KCND3: variants seen among roughly 807,000 people sequenced by gnomAD.
KCND3 encodes the protein A-type voltage-gated potassium channel KCND3.
A neutral mutation model predicts 51.1 loss-of-function variants in KCND3; 9 were observed. The ratio of observed to expected loss-of-function variants is 0.18; its 90% CI spans 0.11 to 0.31. KCND3 has a LOEUF of 0.31. Among genes scored for constraint, KCND3 ranks in the 10% least tolerant of loss-of-function variants. The pLI is 1.00. For missense variants in KCND3, 526 were observed against 903.8 expected (o/e 0.58, Z 5.36); for synonymous variants, 349 against 368.0 (o/e 0.95, Z 0.59).
intron 2 of KCND3, among the ~76,000 whole-genome samples, chr1:111,917,498 T>C (rs1170997155): frequency 1.3e-5 from 2 of 152,136 alleles, no homozygotes; most frequent in Non-Finnish European, 2.9e-5. Context: ...GATTATATAA[T>C]GGGGATCTAT....
chr1:111,802,145 A>G (rs1665339447), intron 2 of KCND3, among the ~76,000 whole-genome samples: 1 of 152,270 alleles, frequency 6.6e-6, no homozygotes, highest in African/African-American at 2.4e-5. Flanking sequence ...GCAGTGGCAG[A>G]CAGTGCTTAG....
intron 2 of KCND3, among the ~76,000 whole-genome samples, chr1:111,923,799 A>C (rs1039341469): frequency 1.3e-5 from 2 of 152,194 alleles, no homozygotes; most frequent in African/African-American, 4.8e-5. Context: ...GCTAATGGTC[A>C]GTTGACTTAG....
At chr1:111,871,461 T>G (rs1668824940) in intron 2 of KCND3, among the ~76,000 whole-genome samples, 1 of 151,994 alleles carries the variant, frequency 6.6e-6, no homozygotes. Flanking sequence ...TCAGCTTGTG[T>G]GACAGGAAGG....
chr1:111,935,385 C>T (rs1327284335), intron 2 of KCND3, among the ~76,000 whole-genome samples: 3 of 152,242 alleles, frequency 2.0e-5, no homozygotes, highest in South Asian at 4.1e-4. Flanking sequence ...GCTTCCCTTA[C>T]TCCCAGATAA....
intron 2 of KCND3, among the ~76,000 whole-genome samples, chr1:111,842,976 T>C (rs1039967502): frequency 6.6e-6 from 1 of 152,222 alleles, no homozygotes; most frequent in Non-Finnish European, 1.5e-5. Context: ...ATGGTTAGCA[T>C]CTTTACAGGC....
At chr1:111,914,296 T>A (rs964803160) in intron 2 of KCND3, among the ~76,000 whole-genome samples, 9 of 146,868 alleles carry the variant, frequency 6.1e-5, no homozygotes, top group African/African-American at 2.2e-4. Context: ...ACCCATAGCA[T>A]CGGTGACCTG....
At chr1:111,971,554 A>G (rs1038759471) in intron 2 of KCND3, among the ~76,000 whole-genome samples, 1 of 151,950 alleles carries the variant, frequency 6.6e-6, no homozygotes, top group Non-Finnish European at 1.5e-5. Flanking sequence ...CCCTCCCTTC[A>G]TCTTTCCCTG....
chr1:111,864,288 G>A (rs1007874739), intron 2 of KCND3, among the ~76,000 whole-genome samples: 16 of 152,156 alleles, frequency 1.1e-4, no homozygotes, highest in Non-Finnish European at 1.6e-4. Flanking sequence ...GGGAACAGTG[G>A]AGGGTACTCC....
chr1:111,790,602 C>T (rs143233463), intron 2 of KCND3, among the ~76,000 whole-genome samples: 2 of 152,182 alleles, frequency 1.3e-5, no homozygotes, highest in South Asian at 4.1e-4. Flanking sequence ...AAAATCCAAC[C>T]ATTTAAATTA....
chr1:111,917,577 T>C (rs1671283414), intron 2 of KCND3, among the ~76,000 whole-genome samples: 1 of 152,124 alleles, frequency 6.6e-6, no homozygotes, highest in Non-Finnish European at 1.5e-5. Context: ...CATGCCCATG[T>C]AGGAATCGGG....
In KCND3 at chr1:111,776,157, G is replaced by A. The variant is rs1261785107; in HGVS notation, c.1888C>T (p.Arg630Trp). 6 of 1,614,188 alleles carry A rather than the reference G, an allele frequency of 3.7e-6. No homozygotes were observed. Among genetic ancestry groups the A allele is most frequent in the Admixed American group, 1.7e-5 (1 of 60,024 alleles). Residue 630 changes from arginine (R) to tryptophan (W), a missense_variant, in exon 8 of 8, where the codon CGG becomes TGG. By Grantham distance (101) the Arg-to-Trp change is moderately radical. Around this residue, in one of 5 missense-constraint regions of KCND3, gnomAD observed 266 missense variants for 305.5 expected, o/e 0.87. Coordinates refer to ENST00000302127, the MANE Select transcript of KCND3 (RefSeq NM_001378969.1). The part of the protein sequence containing the change: ...PPALTPEGES[R>W]PPPASPGPNT... ...GGGCCTGGGCTGGCAGGGGGTGGCC[G>A]ACTTTCCCCCTCTGGGGTTAGCGCT...
chr1:111,900,167 A>G (rs1670319717), intron 2 of KCND3, among the ~76,000 whole-genome samples: 1 of 152,068 alleles, frequency 6.6e-6, no homozygotes, highest in Admixed American at 6.5e-5. Context: ...TGCCTTCTCC[A>G]CATCTCTCCC....
At chr1:111,843,557 C>T (rs1048642094) in intron 2 of KCND3, among the ~76,000 whole-genome samples, 1 of 152,158 alleles carries the variant, frequency 6.6e-6, no homozygotes, top group Non-Finnish European at 1.5e-5. Context: ...TCCACTCTTG[C>T]CTGGGTGGAC....
At chr1:111,868,119 G>A (rs910089404) in intron 2 of KCND3, among the ~76,000 whole-genome samples, 1 of 152,148 alleles carries the variant, frequency 6.6e-6, no homozygotes, top group Admixed American at 6.5e-5. Context: ...AGTTACTTGT[G>A]GTCAACCATG....
chr1:111,865,762 T>G (rs1173548429), intron 2 of KCND3, among the ~76,000 whole-genome samples: 1 of 152,226 alleles, frequency 6.6e-6, no homozygotes, highest in African/African-American at 2.4e-5. Flanking sequence ...TGGAGTGCAG[T>G]GGTGTGATCA....
At chr1:111,804,638 G>A (rs1452380250) in intron 2 of KCND3, among the ~76,000 whole-genome samples, 1 of 152,224 alleles carries the variant, frequency 6.6e-6, no homozygotes, top group East Asian at 1.9e-4. Flanking sequence ...GGGAGAGCAT[G>A]AGAAGTCACA....
chr1:111,783,228 GT>G (rs2101480308), intron 3 of KCND3, among the ~76,000 whole-genome samples: 1 of 149,552 alleles, frequency 6.7e-6, no homozygotes, highest in East Asian at 2.0e-4. Flanking sequence ...AAAGGAGGAT[GT>G]GAGGGAAGTG....
intron 2 of KCND3, among the ~76,000 whole-genome samples, chr1:111,798,543 G>A (rs1047125600): frequency 4.6e-5 from 7 of 151,916 alleles, no homozygotes; most frequent in Admixed American, 1.3e-4. Context: ...CATGCTGCAC[G>A]ATGCCAAGTA....
Position 111,929,264 on chromosome 1 carries a change from G to T in KCND3, c.1106+52357C>A, listed in dbSNP as rs556842800. On this transcript the variant is annotated intron_variant, in intron 2 of 7. Transcript: ENST00000302127. ...CATTCTGCCCCCCACAACCCCCACT[G>T]CTCAGTAAACTATTCTCTATTGAGC... Among the ~76,000 whole-genome samples the T allele has an allele frequency of 2.4e-3, 371 of 152,232 alleles. 1 individual carries two copies. Among genetic ancestry groups the T allele is most frequent in the African/African-American group, 8.6e-3 (355 of 41,518 alleles).
Sources: gnomAD v4.1 joint callset for allele counts (sites outside exome capture counted in the v4.1 genomes callset) on GRCh38, gnomAD v4.1.1 for gene constraint, gnomAD v4.1.1 regional missense constraint, MANE v1.5 for transcripts, NCBI Gene and HGNC (gene_info 2026-07-23, HGNC 2026-07-21) for gene names.